Variants in RASEF observed in about 807,000 individuals in gnomAD.
The protein encoded by RASEF is ras and EF-hand domain-containing protein.
Under a neutral mutation model 90.1 loss-of-function variants are expected in RASEF, and 68 were observed. That is an observed-to-expected ratio of 0.75 (90% CI 0.62 to 0.92). RASEF has a LOEUF of 0.92. Ranked by LOEUF, RASEF falls within the 40% of genes least tolerant of loss-of-function variation. RASEF has a pLI of 0.00. For synonymous variants in RASEF, 331 were observed against 345.2 expected (o/e 0.96, Z 0.46); for missense variants, 949 against 937.2 (o/e 1.01, Z -0.16).
At chr9:83,144,395 A>AG in the RASEF span, among the ~76,000 whole-genome samples, 103 of 120,120 alleles carry the variant, frequency 8.6e-4, 1 homozygote, top group South Asian at 2.6e-3. Flanking sequence ...AAGAAAGGAA[A>AG]GAAAGAAAGA....
chr9:83,080,917 C>A, the RASEF span, among the ~76,000 whole-genome samples: 1 of 152,062 alleles, frequency 6.6e-6, no homozygotes, highest in Non-Finnish European at 1.5e-5. Context: ...GGGATAACCA[C>A]CTTTTCTTAA....
At chr9:83,060,598 A>G (rs1179985642) in intron 1 of RASEF, among the ~76,000 whole-genome samples, 1 of 152,246 alleles carries the variant, frequency 6.6e-6, no homozygotes, top group Non-Finnish European at 1.5e-5. Flanking sequence ...AGCATTATCA[A>G]TAACAAAAAA....
chr9:83,075,663 A>G, the RASEF span, among the ~76,000 whole-genome samples: 2 of 152,214 alleles, frequency 1.3e-5, no homozygotes, highest in Admixed American at 6.5e-5. Context: ...TAGGGGATGT[A>G]ATAAGTACAT....
intron 1 of RASEF, among the ~76,000 whole-genome samples, chr9:83,029,141 TA>T (rs1308142699): frequency 1.3e-5 from 2 of 152,202 alleles, no homozygotes; most frequent in Non-Finnish European, 2.9e-5. Context: ...GGGCCCATGG[TA>T]ACATGGTGGT....
chr9:83,041,875 T>C (rs1050095733), intron 1 of RASEF, among the ~76,000 whole-genome samples: 17 of 152,092 alleles, frequency 1.1e-4, no homozygotes, highest in African/African-American at 3.9e-4. Context: ...AAGCCACAGT[T>C]CACTAAAAGA....
chr9:83,176,799 A>G, the RASEF span, among the ~76,000 whole-genome samples: 3 of 152,078 alleles, frequency 2.0e-5, no homozygotes, highest in Admixed American at 6.6e-5. Flanking sequence ...TTATCATTAT[A>G]CATATTAACC....
the RASEF span, among the ~76,000 whole-genome samples, chr9:83,155,635 T>C: frequency 5.6e-3 from 852 of 152,064 alleles, 5 homozygotes; most frequent in African/African-American, 0.019. Flanking sequence ...AACCATATCA[T>C]TGGGTTCCCT....
chr9:83,148,609 G>A, the RASEF span, among the ~76,000 whole-genome samples: 1 of 152,188 alleles, frequency 6.6e-6, no homozygotes, highest in Non-Finnish European at 1.5e-5. Flanking sequence ...GGAATTGTGT[G>A]ACAATACATC....
chr9:83,177,063 A>G, the RASEF span, among the ~76,000 whole-genome samples: 1 of 152,056 alleles, frequency 6.6e-6, no homozygotes, highest in Admixed American at 6.5e-5. Flanking sequence ...ATTAGTAAAC[A>G]TTGTATTTCT....
At chr9:83,011,228 G>C (rs1352888169) in intron 5 of RASEF, among the ~76,000 whole-genome samples, 3 of 152,060 alleles carry the variant, frequency 2.0e-5, no homozygotes, top group Admixed American at 6.6e-5. Flanking sequence ...AGAACATATG[G>C]GTGGCAAGTT....
the RASEF span, among the ~76,000 whole-genome samples, chr9:83,089,945 G>GATAGATATAGAT: frequency 5.0e-5 from 7 of 138,888 alleles, no homozygotes; most frequent in African/African-American, 1.9e-4. Context: ...TAGATAGATA[G>GATAGATATAGAT]ATATAGATAT....
the RASEF span, among the ~76,000 whole-genome samples, chr9:83,199,788 T>C: frequency 6.6e-6 from 1 of 152,112 alleles, no homozygotes; most frequent in African/African-American, 2.4e-5. Context: ...GTATCTGATA[T>C]AGGAGGCAGG....
chr9:83,013,476 A>G (rs936636492), intron 4 of RASEF, among the ~76,000 whole-genome samples: 5 of 152,272 alleles, frequency 3.3e-5, no homozygotes, highest in Admixed American at 1.3e-4. Flanking sequence ...TTTTGACTTC[A>G]GAGAAGAAAA....
Position 82,993,036 on chromosome 9 carries a change from GAA to G in RASEF, c.1921-13_1921-12del, listed in dbSNP as rs150560579. 1 of 1,438,784 alleles carries G rather than the reference GAA, an allele frequency of 7.0e-7. No homozygotes were observed. Among genetic ancestry groups the G allele is most frequent in the Non-Finnish European group, 9.4e-7 (1 of 1,062,588 alleles). 89.1% of individuals were successfully genotyped at this position (1,438,784 alleles called of 1,614,324 possible). A position where few individuals can be genotyped will look rare whatever the true frequency, so the allele number is the denominator to read the frequency against. ...CTCATGGGCTGCATCCTACCAGGAA[GAA>G]AAAAAAAATGGGGCACACATCAAAC... On this transcript the variant is annotated splice_polypyrimidine_tract_variant and intron_variant, in intron 14 of 16. Coordinates refer to ENST00000376447, the MANE Select transcript of RASEF (RefSeq NM_152573.4).
intron 1 of RASEF, among the ~76,000 whole-genome samples, chr9:83,046,143 A>C (rs1427673640): frequency 6.6e-6 from 1 of 151,984 alleles, no homozygotes; most frequent in Non-Finnish European, 1.5e-5. Flanking sequence ...ACATAGGTAA[A>C]CTCGTGTCAT....
At chr9:83,214,999 C>T in the RASEF span, among the ~76,000 whole-genome samples, 6 of 151,728 alleles carry the variant, frequency 4.0e-5, no homozygotes, top group East Asian at 9.9e-4. Flanking sequence ...CCCCAGGCTC[C>T]AGAGCAGACC....
chr9:83,182,200 G>T, the RASEF span, among the ~76,000 whole-genome samples: 8 of 152,184 alleles, frequency 5.3e-5, no homozygotes, highest in Non-Finnish European at 1.2e-4. Context: ...GCCATGCCCA[G>T]TGTCTCAAAC....
At chr9:83,203,688 G>C in the RASEF span, among the ~76,000 whole-genome samples, 2 of 152,242 alleles carry the variant, frequency 1.3e-5, no homozygotes, top group East Asian at 3.9e-4. Context: ...GGTCTCTCTT[G>C]GGGTCCTAAA....
At chr9:83,085,404 CA>C in the RASEF span, among the ~76,000 whole-genome samples, 1 of 152,040 alleles carries the variant, frequency 6.6e-6, no homozygotes, top group Admixed American at 6.5e-5. Context: ...GAGGCCAAGG[CA>C]GGTGGATTGC....
Sources: gnomAD v4.1 joint callset for allele counts (sites outside exome capture counted in the v4.1 genomes callset) on GRCh38, gnomAD v4.1.1 for gene constraint, MANE v1.5 for transcripts, NCBI Gene and HGNC (gene_info 2026-07-23, HGNC 2026-07-21) for gene names.